The following CADM2 variants were observed in gnomAD, a reference collection of about 807,000 sequenced individuals.
CADM2 encodes the protein immunoglobulin superfamily member 4D.
A neutral mutation model predicts 49.8 loss-of-function variants in CADM2; 12 were observed. The observed-to-expected ratio is 0.24, with a 90% CI of 0.15 to 0.39. The LOEUF is 0.39. CADM2 is among the 10% of genes least tolerant of loss of function. CADM2 has a pLI of 1.00. For synonymous variants in CADM2, 214 were observed against 175.4 expected, an observed-to-expected ratio of 1.22 and a Z score of -1.74; for missense variants, 378 against 492.3, an observed-to-expected ratio of 0.77 and a Z score of 2.20.
chr3:85,363,358 T>C (rs2032494026), intron 1 of CADM2, among the ~76,000 whole-genome samples: 1 of 152,116 alleles, frequency 6.6e-6, no homozygotes, highest in Non-Finnish European at 1.5e-5. Context: ...GGAAACAAAA[T>C]ATAATGCAAA....
chr3:85,315,307 C>T (rs1435565917), intron 1 of CADM2, among the ~76,000 whole-genome samples: 2 of 152,076 alleles, frequency 1.3e-5, no homozygotes, highest in African/African-American at 4.8e-5. Flanking sequence ...GTCCATCACA[C>T]GTTAGTATGA....
intron 3 of CADM2, among the ~76,000 whole-genome samples, chr3:85,847,277 A>G (rs944336791): frequency 9.9e-5 from 15 of 152,206 alleles, no homozygotes; most frequent in Admixed American, 2.0e-4. Context: ...AACAAAAACA[A>G]TGAGTCATCA....
chr3:85,289,709 T>G (rs1193274885), intron 1 of CADM2, among the ~76,000 whole-genome samples: 2 of 152,166 alleles, frequency 1.3e-5, no homozygotes, highest in Admixed American at 6.5e-5. Context: ...ATTTTAAAAT[T>G]TATTAAAAAA....
At chr3:85,389,920 G>A (rs2034437466) in intron 1 of CADM2, among the ~76,000 whole-genome samples, 1 of 151,930 alleles carries the variant, frequency 6.6e-6, no homozygotes, top group African/African-American at 2.4e-5. Context: ...GTTGATAAAA[G>A]GGCAAGTAAA....
chr3:85,772,345 T>C (rs559900453), intron 2 of CADM2, among the ~76,000 whole-genome samples: 1 of 152,242 alleles, frequency 6.6e-6, no homozygotes, highest in East Asian at 1.9e-4. Flanking sequence ...GAATTTTCTT[T>C]GACTTACTTA....
At chr3:85,384,706 T>C (rs2034117948) in intron 1 of CADM2, among the ~76,000 whole-genome samples, 1 of 148,522 alleles carries the variant, frequency 6.7e-6, no homozygotes, top group African/African-American at 2.6e-5. Flanking sequence ...TGTATACTTG[T>C]GTGTGTATAT....
Position 85,823,945 on chromosome 3 carries a change from G to GA in CADM2, c.238+21755dup, listed in dbSNP as rs1043438743. Among the ~76,000 whole-genome samples the GA allele has an allele frequency of 8.5e-5, 13 of 152,142 alleles. No individual in the cohort carries two copies. The South Asian group carries it at 1.2e-3, about 15-fold the overall frequency. On this transcript the variant is annotated intron_variant, in intron 3 of 9. Transcript: ENST00000383699. ...ATTACAGCCCATCCGCGAGATTAGA[G>GA]AAAAAACAAAACAAAACTCAAAACA...
intron 1 of CADM2, among the ~76,000 whole-genome samples, chr3:85,633,649 T>G (rs1257053992): frequency 2.6e-5 from 4 of 152,058 alleles, no homozygotes; most frequent in Admixed American, 2.6e-4. Flanking sequence ...AATCCTGTTT[T>G]TCATAGAATA....
chr3:85,036,780 A>T (rs551125508), intron 1 of CADM2, among the ~76,000 whole-genome samples: 1 of 152,216 alleles, frequency 6.6e-6, no homozygotes, highest in Admixed American at 6.6e-5. Flanking sequence ...AGGGGTAAGT[A>T]ATTTAAGAAA....
At chr3:85,019,184 T>C (rs1673804781) in intron 1 of CADM2, among the ~76,000 whole-genome samples, 1 of 152,194 alleles carries the variant, frequency 6.6e-6, no homozygotes, top group South Asian at 2.1e-4. Flanking sequence ...GTTCCCAGTT[T>C]TGGCACTGAA....
intron 6 of CADM2, among the ~76,000 whole-genome samples, chr3:85,929,500 T>C (rs919492262): frequency 2.6e-5 from 4 of 152,030 alleles, no homozygotes; most frequent in Admixed American, 1.3e-4. Flanking sequence ...TTACTATTCA[T>C]ATCTGGGTCA....
chr3:85,643,955 C>A (rs1380308528), intron 1 of CADM2, among the ~76,000 whole-genome samples: 1 of 151,870 alleles, frequency 6.6e-6, no homozygotes, highest in Admixed American at 6.6e-5. Context: ...ATGAATTTTT[C>A]AATTCCTGGA....
chr3:85,291,688 A>T (rs200515059), intron 1 of CADM2, among the ~76,000 whole-genome samples: 14,811 of 145,962 alleles, frequency 0.1, 1,041 homozygotes, highest in African/African-American at 0.17. Flanking sequence ...CAGGCAAACT[A>T]AGCTTCATAA....
At chr3:85,048,389 A>T (rs1240352585) in intron 1 of CADM2, among the ~76,000 whole-genome samples, 1 of 152,228 alleles carries the variant, frequency 6.6e-6, no homozygotes, top group East Asian at 1.9e-4. Context: ...AAAAATGGAC[A>T]AGGAAACATT....
intron 1 of CADM2, among the ~76,000 whole-genome samples, chr3:85,700,895 C>T (rs1424985590): frequency 6.6e-6 from 1 of 152,206 alleles, no homozygotes; most frequent in Non-Finnish European, 1.5e-5. Flanking sequence ...TGCCTGTACC[C>T]ACTTCCAAAG....
chr3:85,762,338 ATTTG>A (rs375280416), intron 2 of CADM2, among the ~76,000 whole-genome samples: 384 of 151,876 alleles, frequency 2.5e-3, no homozygotes, highest in African/African-American at 7.7e-3. Flanking sequence ...TTGTTTGTTC[ATTTG>A]TTTGTTTGTT....
intron 1 of CADM2, among the ~76,000 whole-genome samples, chr3:85,303,777 T>C (rs1229498276): frequency 6.6e-6 from 1 of 151,926 alleles, no homozygotes; most frequent in African/African-American, 2.4e-5. Context: ...TTATTGTATG[T>C]TGTTTGCCAA....
intron 1 of CADM2, among the ~76,000 whole-genome samples, chr3:85,074,742 AAGAAAAAGTG>A (rs2036877927): frequency 1.3e-5 from 2 of 152,152 alleles, no homozygotes; most frequent in African/African-American, 4.8e-5. Flanking sequence ...CTGTTGGGAA[AAGAAAAAGTG>A]TCAGCATTGG....
intron 1 of CADM2, among the ~76,000 whole-genome samples, chr3:85,607,526 C>G (rs1002978235): frequency 7.9e-5 from 12 of 152,062 alleles, no homozygotes; most frequent in Non-Finnish European, 1.8e-4. Flanking sequence ...ATGTTCCTAA[C>G]AGAAACTAGT....
Sources: allele counts gnomAD v4.1 joint callset (sites outside exome capture counted in the v4.1 genomes callset), GRCh38; gene constraint gnomAD v4.1.1; transcripts MANE v1.5; gene names NCBI Gene and HGNC (gene_info 2026-07-23, HGNC 2026-07-21).